Variants in ENPP1 observed in about 807,000 individuals in gnomAD.
ENPP1 encodes ectonucleotide pyrophosphatase/phosphodiesterase family member 1.
In ENPP1, 73 loss-of-function variants were observed where a neutral mutation model predicts 122.8. The observed-to-expected ratio is 0.59, with a 90% CI of 0.49 to 0.72. ENPP1 has a LOEUF of 0.72. Ranked by LOEUF, ENPP1 falls within the 30% of genes least tolerant of loss-of-function variation. The pLI is 0.00. For synonymous variants in ENPP1, 367 were observed against 391.6 expected, an observed-to-expected ratio of 0.94 and a Z score of 0.74; for missense variants, 978 against 1,128.1, an observed-to-expected ratio of 0.87 and a Z score of 1.91.
intron 1 of ENPP1, among the ~76,000 whole-genome samples, chr6:131,816,661 TTAAGA>T (rs1781418238): frequency 6.6e-6 from 1 of 152,246 alleles, no homozygotes; most frequent in Non-Finnish European, 1.5e-5. Context: ...GTTGCAAGAA[TTAAGA>T]TATCTGTAGT....
intron 11 of ENPP1, among the ~76,000 whole-genome samples, chr6:131,866,156 G>A (rs899021981): frequency 6.6e-6 from 1 of 152,084 alleles, no homozygotes; most frequent in Non-Finnish European, 1.5e-5. Context: ...GTGAAAAGAG[G>A]TATTGCCAGG....
intron 4 of ENPP1, 144 bp from the exon 5 acceptor site, chr6:131,852,031 A>G (rs1020980213): frequency 3.3e-6 from 2 of 611,810 alleles, no homozygotes; most frequent in Non-Finnish European, 5.8e-6. Context: ...TTTATTGATT[A>G]TACACCTCCA....
intron 1 of ENPP1, among the ~76,000 whole-genome samples, chr6:131,837,721 T>G (rs1781694666): frequency 2.6e-5 from 4 of 152,092 alleles, no homozygotes. Context: ...ATAATAAATA[T>G]TACTATTCCC....
At chr6:131,882,229 T>G in intron 20 of ENPP1, 116 bp from the exon 21 acceptor site, 12 of 819,280 alleles carry the variant, frequency 1.5e-5, no homozygotes, top group African/African-American at 1.7e-5. Context: ...GGGAAGGACA[T>G]GAGCTGACAG....
intron 1 of ENPP1, among the ~76,000 whole-genome samples, chr6:131,831,159 AT>A (rs1304230586): frequency 6.6e-6 from 1 of 151,350 alleles, no homozygotes; most frequent in Non-Finnish European, 1.5e-5. Flanking sequence ...AGATCAAAAA[AT>A]TTTAAAAATG....
intron 24 of ENPP1, among the ~76,000 whole-genome samples, chr6:131,890,134 C>T (rs935277826): frequency 6.6e-6 from 1 of 152,108 alleles, no homozygotes; most frequent in Admixed American, 6.6e-5. Context: ...TTTCCCCAAA[C>T]TTGAAGCATC....
intron 22 of ENPP1, among the ~76,000 whole-genome samples, chr6:131,884,566 G>C (rs1211253113): frequency 1.3e-5 from 2 of 152,166 alleles, no homozygotes; most frequent in Non-Finnish European, 2.9e-5. Context: ...GAGGCCAGGA[G>C]TTCAAGATCA....
At position 131,854,944 on chromosome 6, in the gene ENPP1, C is replaced by T. The variant is rs753181538; in HGVS notation, c.636C>T (p.Thr212=). The change falls in exon 6 of 25, where the codon ACC becomes ACT. Residue 212 remains threonine (T), a synonymous_variant. Coordinates refer to ENST00000647893, the MANE Select transcript of ENPP1 (RefSeq NM_006208.3). The part of the protein sequence containing the change: ...QCPAGFETPP[T]LLFSLDGFRA... Reference sequence around the variant, plus strand: ...TACCCAGGTTTGAAACGCCTCCTACCCTCTTATTTTCTTTGGATGGATTCA... The same window carrying T: ...TACCCAGGTTTGAAACGCCTCCTACTCTCTTATTTTCTTTGGATGGATTCA... The T allele has an allele frequency of 1.2e-6, 2 of 1,613,276 alleles. No individual in the cohort carries two copies. The highest frequency in any genetic ancestry group is 1.1e-5 in the South Asian group (1 of 91,062).
chr6:131,867,626 A>T (rs1782106791), intron 11 of ENPP1, among the ~76,000 whole-genome samples: 1 of 152,216 alleles, frequency 6.6e-6, no homozygotes, highest in Non-Finnish European at 1.5e-5. Context: ...AATTAAGAAC[A>T]TATTGGTTTC....
chr6:131,875,821 G>A lies in ENPP1; in HGVS notation c.1681G>A (p.Ala561Thr). ...ACCTGGATTCAAGCATGGCATTGAG[G>A]CTGACACCTTTGAAAACATTGAAGT... The part of the protein sequence containing the change: ...YGPGFKHGIE[A>T]DTFENIEVYN... Residue 561 changes from alanine to threonine, a missense_variant, in exon 17 of 25, where the codon GCT (alanine) becomes ACT (threonine). Physicochemically the swap from Ala to Thr is moderately conservative, Grantham distance 58. Around this residue, in one of 3 missense-constraint regions of ENPP1, gnomAD observed 644 missense variants for 781.5 expected, o/e 0.82. Coordinates refer to ENST00000647893, the MANE Select transcript of ENPP1 (RefSeq NM_006208.3). The A allele has an allele frequency of 2.5e-6, 4 of 1,614,072 alleles. No homozygotes were observed. The highest frequency in any genetic ancestry group is 1.7e-6 in the Non-Finnish European group (2 of 1,179,956).
chr6:131,864,622 T>C, intron 10 of ENPP1, 51 bp downstream of exon 10: 1 of 1,254,240 alleles, frequency 8.0e-7, no homozygotes. Context: ...GTAGAAATGA[T>C]ATACTATTTT....
At chr6:131,872,668 G>A (rs977808601) in intron 14 of ENPP1, among the ~76,000 whole-genome samples, 2 of 152,020 alleles carry the variant, frequency 1.3e-5, no homozygotes, top group Non-Finnish European at 2.9e-5. Flanking sequence ...ATTTCAAGTA[G>A]TTTGGAAGAT....
In ENPP1 at chr6:131,885,068, G is replaced by GA. The variant is rs1782359825; in HGVS notation, c.2444+7dup. 2.5e-6 allele frequency: 4 copies of GA among 1,613,648 alleles called. No homozygotes were observed. The highest frequency in any genetic ancestry group is 3.4e-6 in the Non-Finnish European group (4 of 1,179,762). ...TTCCTTAGAGAATCTGAGGCAGTAA[G>GA]AACATATTTCATTACTCTTAAAAAT... is the stretch of plus-strand genomic sequence containing the variant. On this transcript the variant is annotated splice_donor_region_variant and intron_variant, in intron 23 of 24. Coordinates refer to ENST00000647893, the MANE Select transcript of ENPP1 (RefSeq NM_006208.3).
intron 4 of ENPP1, among the ~76,000 whole-genome samples, chr6:131,851,713 C>T (rs138274058): frequency 2.4e-4 from 37 of 152,136 alleles, no homozygotes; most frequent in African/African-American, 8.4e-4. Flanking sequence ...TAGAAAGATT[C>T]GAGGGCATTT....
chr6:131,889,541 T>C (rs6928362), intron 24 of ENPP1, among the ~76,000 whole-genome samples: 17,699 of 152,184 alleles, frequency 0.12, 1,940 homozygotes, highest in African/African-American at 0.29. Flanking sequence ...GCTCCATCCA[T>C]GTCCCTGCAC....
intron 1 of ENPP1, among the ~76,000 whole-genome samples, chr6:131,832,770 G>A (rs1350281063): frequency 6.6e-6 from 1 of 152,148 alleles, no homozygotes; most frequent in African/African-American, 2.4e-5. Context: ...CAGTCTTAGG[G>A]CCTCCCCATG....
intron 1 of ENPP1, among the ~76,000 whole-genome samples, chr6:131,812,900 C>T (rs534942763): frequency 9.2e-5 from 14 of 152,226 alleles, no homozygotes; most frequent in African/African-American, 2.4e-4. Context: ...AGTGCAATAG[C>T]ACAATCTCGG....
chr6:131,865,089 C>A, intron 11 of ENPP1, 151 bp downstream of exon 11: 1 of 665,554 alleles, frequency 1.5e-6, no homozygotes, highest in Non-Finnish European at 2.7e-6. Flanking sequence ...TAAGGATGCA[C>A]TTTAAACAAA....
chr6:131,827,155 A>G (rs1781556291), intron 1 of ENPP1: 7 of 736,196 alleles, frequency 9.5e-6, no homozygotes, highest in Admixed American at 1.8e-5. Flanking sequence ...ATGCAGTTCT[A>G]TCTTGTCTTG....
Sources: allele counts gnomAD v4.1 joint callset (sites outside exome capture counted in the v4.1 genomes callset), GRCh38; gene constraint gnomAD v4.1.1; regional missense constraint gnomAD v4.1.1; transcripts MANE v1.5; gene names NCBI Gene and HGNC (gene_info 2026-07-23, HGNC 2026-07-21).